RHOA: variants seen among roughly 807,000 people sequenced by gnomAD.
RHOA encodes the protein ras homolog family member A.
RHOA carries 3 observed loss-of-function variants against 17.5 expected under a neutral mutation model. The ratio of observed to expected loss-of-function variants is 0.17; its 90% CI spans 0.08 to 0.44. The LOEUF (loss-of-function observed/expected upper bound fraction) is 0.44, where lower values mean the gene tolerates loss of function less well. RHOA is among the 20% of genes least tolerant of loss of function. RHOA has a pLI of 0.99. For missense variants in RHOA, 56 were observed against 242.3 expected (o/e 0.23, Z 5.10); for synonymous variants, 98 against 88.4 (o/e 1.11, Z -0.61).
At chr3:49,397,706 C>G (rs1284025944) in intron 1 of RHOA, among the ~76,000 whole-genome samples, 1 of 152,042 alleles carries the variant, frequency 6.6e-6, no homozygotes, top group Non-Finnish European at 1.5e-5. Context: ...GAGCAGAGAA[C>G]TGCTAGAGCA....
chr3:49,411,133 A>C (rs7623687), intron 1 of RHOA, among the ~76,000 whole-genome samples: 21,903 of 151,912 alleles, frequency 0.14, 1,778 homozygotes, highest in Middle Eastern at 0.18. Flanking sequence ...AATCATTTAC[A>C]GTTTTGTGTG....
At chr3:49,362,737 C>G in intron 3 of RHOA, 111 bp from the exon 4 acceptor site, 2 of 874,126 alleles carry the variant, frequency 2.3e-6, no homozygotes, top group Non-Finnish European at 3.5e-6. Context: ...CAGAAAAATG[C>G]TAGACATTTA....
chr3:49,403,038 TA>T (rs34145759), intron 1 of RHOA, among the ~76,000 whole-genome samples: 90 of 136,120 alleles, frequency 6.6e-4, no homozygotes, highest in Non-Finnish European at 6.1e-4. Context: ...TTCCATCTCA[TA>T]AAAAAAAAAA....
chr3:49,402,941 G>A (rs1027120826), intron 1 of RHOA, among the ~76,000 whole-genome samples: 2 of 151,668 alleles, frequency 1.3e-5, no homozygotes, highest in African/African-American at 4.8e-5. Context: ...GGAGGCTGAA[G>A]CAGAAGAATC....
chr3:49,407,533 C>G (rs2048854983), intron 1 of RHOA, among the ~76,000 whole-genome samples: 2 of 152,268 alleles, frequency 1.3e-5, no homozygotes, highest in South Asian at 4.1e-4. Context: ...TGCTCCCAGC[C>G]AGGAATTCCT....
chr3:49,376,667 G>GA (rs2048233271), intron 1 of RHOA, among the ~76,000 whole-genome samples: 2 of 147,668 alleles, frequency 1.4e-5, no homozygotes, highest in Non-Finnish European at 3.0e-5. Flanking sequence ...AAAAAAAAAG[G>GA]AAACAATTTG....
chr3:49,410,023 A>G (rs188755162), intron 1 of RHOA, among the ~76,000 whole-genome samples: 4 of 152,312 alleles, frequency 2.6e-5, no homozygotes, highest in Admixed American at 6.5e-5. Flanking sequence ...ATCTCCCTCA[A>G]TTGAAGGCAG....
chr3:49,403,887 T>G (rs2048768064), intron 1 of RHOA, among the ~76,000 whole-genome samples: 1 of 152,044 alleles, frequency 6.6e-6, no homozygotes, highest in Non-Finnish European at 1.5e-5. Context: ...ACCACTGTTC[T>G]TAAGTACCAG....
At chr3:49,388,211 G>C (rs2048433507) in intron 1 of RHOA, among the ~76,000 whole-genome samples, 4 of 151,546 alleles carry the variant, frequency 2.6e-5, no homozygotes, top group Admixed American at 2.0e-4. Flanking sequence ...TGTGGAGACG[G>C]GGTTTTGCCA....
chr3:49,367,342 C>CAAAAAAAAAAAAAAAAAAAAAAAA (rs62926260), intron 3 of RHOA, among the ~76,000 whole-genome samples: 9 of 80,498 alleles, frequency 1.1e-4, no homozygotes, highest in African/African-American at 2.5e-4. Context: ...GACTCCCTCT[C>CAAAAAAAAAAAAAAAAAAAAAAAA]AAAAAAAAAA....
chr3:49,387,443 C>CG (rs1211486175), intron 1 of RHOA, among the ~76,000 whole-genome samples: 1,931 of 61,558 alleles, frequency 0.031, 46 homozygotes, highest in Middle Eastern at 0.089. Flanking sequence ...GACTCCATCT[C>CG]GGGGGAAAAA....
At chr3:49,385,581 CG>C (rs1247556456) in intron 1 of RHOA, among the ~76,000 whole-genome samples, 2 of 151,978 alleles carry the variant, frequency 1.3e-5, no homozygotes, top group Non-Finnish European at 2.9e-5. Context: ...TGGGGCACAA[CG>C]TTTTTTATTT....
rs546681101 is a variant in RHOA at position 49,359,858 on chromosome 3, C to T, written c.*351G>A. On this transcript the variant is annotated 3_prime_UTR_variant, in exon 5 of 5. Transcript: ENST00000418115. ...TACCTTGCAGCTGACAGATAATAGG[C>T]AGGACATGTTAGTTATAAAGTAGTT... The T allele has an allele frequency of 7.4e-6, 2 of 269,064 alleles. No individual in the cohort carries two copies. The highest frequency in any genetic ancestry group is 1.0e-4 in the South Asian group (1 of 9,840). The allele number at this position is 269,064 out of a possible 1,614,324, so 16.7% of individuals were successfully genotyped here. A position where few individuals can be genotyped will look rare whatever the true frequency, so the allele number is the denominator to read the frequency against.
At chr3:49,389,723 C>G (rs185430578) in intron 1 of RHOA, among the ~76,000 whole-genome samples, 43 of 152,144 alleles carry the variant, frequency 2.8e-4, no homozygotes, top group Non-Finnish European at 5.7e-4. Context: ...AGGCGGATCA[C>G]GAGGTCAGGA....
intron 4 of RHOA, among the ~76,000 whole-genome samples, chr3:49,360,731 T>C (rs2047952750): frequency 1.3e-5 from 2 of 150,564 alleles, no homozygotes; most frequent in South Asian, 4.3e-4. Context: ...AGTGCTGGGA[T>C]ACAGGCATGA....
intron 1 of RHOA, among the ~76,000 whole-genome samples, chr3:49,383,628 T>C (rs2048351712): frequency 6.6e-6 from 1 of 152,110 alleles, no homozygotes; most frequent in South Asian, 2.1e-4. Flanking sequence ...GGTGCTCTGG[T>C]GTGTCTGAGA....
At chr3:49,393,676 C>CTCTGTGTGTGTG (rs1407688604) in intron 1 of RHOA, among the ~76,000 whole-genome samples, 1 of 10,360 alleles carries the variant, frequency 9.7e-5, no homozygotes, top group African/African-American at 2.4e-4. Flanking sequence ...AATTCTCTCT[C>CTCTGTGTGTGTG]TGTGTGTGTG....
At chr3:49,394,646 C>A (rs996662406) in intron 1 of RHOA, among the ~76,000 whole-genome samples, 1 of 152,164 alleles carries the variant, frequency 6.6e-6, no homozygotes, top group African/African-American at 2.4e-5. Flanking sequence ...CCACTGCATC[C>A]GGCCACAAAC....
chr3:49,397,414 G>A (rs560351525), intron 1 of RHOA, among the ~76,000 whole-genome samples: 1 of 152,162 alleles, frequency 6.6e-6, no homozygotes, highest in East Asian at 1.9e-4. Flanking sequence ...AAAACTCTGT[G>A]AATATACTAA....
Sources: gnomAD v4.1 joint callset for allele counts (sites outside exome capture counted in the v4.1 genomes callset) on GRCh38, gnomAD v4.1.1 for gene constraint, MANE v1.5 for transcripts, NCBI Gene and HGNC (gene_info 2026-07-23, HGNC 2026-07-21) for gene names.